ZW10: variants seen among roughly 807,000 people sequenced by gnomAD.
ZW10 encodes zw10 kinetochore protein.
In ZW10, 53 loss-of-function variants were observed where a neutral mutation model predicts 87.8. The observed-to-expected ratio is 0.60, with a 90% CI of 0.48 to 0.76. ZW10 has a LOEUF of 0.76. ZW10 is among the 30% of genes least tolerant of loss of function. The pLI, the probability that ZW10 is intolerant of heterozygous loss-of-function variation, is 0.00. For missense variants in ZW10, 837 were observed against 923.0 expected (o/e 0.91, Z 1.21); for synonymous variants, 312 against 329.2 (o/e 0.95, Z 0.57).
rs540501275 is a variant in ZW10, at chr11:113,733,870, G to C, written c.2220-56C>G. The stretch of plus-strand genomic sequence containing the variant: ...TATTAGGTCTCTGAAGTATAAGCAA[G>C]ACTTAAAAATTGCCTGTTTGATCCA... On this transcript the variant is annotated intron_variant, in intron 15 of 15. Transcript: ENST00000200135. 26 of 1,518,008 alleles carry C rather than the reference G, an allele frequency of 1.7e-5. No homozygotes were observed. In the East Asian group the frequency reaches 4.9e-4, roughly 29 times the overall value. 94.0% of individuals were successfully genotyped at this position (1,518,008 alleles called of 1,614,324 possible). A position where few individuals can be genotyped will look rare whatever the true frequency, so the allele number is the denominator to read the frequency against.
intron 1 of ZW10, chr11:113,769,655 G>C: frequency 3.3e-6 from 1 of 299,494 alleles, no homozygotes. Context: ...CGGACTCCAG[G>C]CATCATGTAC....
intron 1 of ZW10, among the ~76,000 whole-genome samples, chr11:113,770,242 C>T (rs979121551): frequency 1.3e-5 from 2 of 151,436 alleles, no homozygotes; most frequent in Admixed American, 6.6e-5. Context: ...GCATGCGCCA[C>T]CACGCCCAGC....
chr11:113,756,159 G>A (rs1215053888), intron 7 of ZW10, among the ~76,000 whole-genome samples: 1 of 152,256 alleles, frequency 6.6e-6, no homozygotes, highest in South Asian at 2.1e-4. Flanking sequence ...TACAACTGGT[G>A]TCTTTATAAG....
At chr11:113,740,584 A>G (rs576905699) in intron 11 of ZW10, among the ~76,000 whole-genome samples, 11 of 152,334 alleles carry the variant, frequency 7.2e-5, no homozygotes, top group African/African-American at 2.6e-4. Flanking sequence ...ACTCTGTCTC[A>G]AAATATGAAA....
In ZW10 at chr11:113,739,316, G is replaced by A. The variant is rs753427313; in HGVS notation, c.1650C>T (p.His550=). 1 of 1,613,876 alleles carries A rather than the reference G, an allele frequency of 6.2e-7. No homozygotes were observed. Among genetic ancestry groups the A allele is most frequent in the Non-Finnish European group, 8.5e-7 (1 of 1,179,898 alleles). Residue 550 remains histidine (H), a synonymous_variant, in exon 12 of 16, where the codon CAC becomes CAT. Coordinates refer to ENST00000200135, the MANE Select transcript of ZW10 (RefSeq NM_004724.4). ...ACTGATGCCCGAGGGTCAGCAAGTG[G>A]TGAGCAATGTACATACAGTTGTTGT... The part of the protein sequence containing the change: ...IHHNNCMYIA[H]HLLTLGHQFR...
intron 7 of ZW10, among the ~76,000 whole-genome samples, chr11:113,757,370 C>T (rs753804113): frequency 2.6e-5 from 4 of 152,148 alleles, no homozygotes; most frequent in South Asian, 4.1e-4. Flanking sequence ...CAATTTGTGA[C>T]GGTACTGGGA....
Position 113,733,565 on chromosome 11 carries a change from T to C in ZW10, c.*129A>G. On this transcript the variant is annotated 3_prime_UTR_variant, in exon 16 of 16. Transcript: ENST00000200135. Reference sequence around the variant, plus strand: ...GGCCAGGAGGTAAGACGTTCTTCTGTAAAGTCAAACTTCCAAGATGTACTG... The same window carrying C: ...GGCCAGGAGGTAAGACGTTCTTCTGCAAAGTCAAACTTCCAAGATGTACTG... 1 of 1,283,534 alleles carries C rather than the reference T, an allele frequency of 7.8e-7. No individual in the cohort carries two copies. Among genetic ancestry groups the C allele is most frequent in the Non-Finnish European group, 1.1e-6 (1 of 908,418 alleles). The allele number at this position is 1,283,534 out of a possible 1,614,324, so 79.5% of individuals were successfully genotyped here.
At chr11:113,747,443 C>T in intron 9 of ZW10, 88 bp downstream of exon 9, 2 of 1,215,938 alleles carry the variant, frequency 1.6e-6, no homozygotes, top group Non-Finnish European at 2.3e-6. Flanking sequence ...CAACCGTCAT[C>T]CTCTCTTCCA....
chr11:113,769,077 A>C, intron 1 of ZW10, 110 bp from the exon 2 acceptor site: 1 of 1,129,378 alleles, frequency 8.9e-7, no homozygotes, highest in Non-Finnish European at 1.3e-6. Context: ...CCTTCTTGCC[A>C]ATTGCCTATA....
intron 7 of ZW10, among the ~76,000 whole-genome samples, chr11:113,753,728 G>A (rs905294620): frequency 1.3e-5 from 2 of 152,198 alleles, no homozygotes; most frequent in African/African-American, 4.8e-5. Context: ...AGTTTGAGTG[G>A]TCTGTGTAGA....
chr11:113,733,730 T>C lies in ZW10; in HGVS notation c.2304A>G (p.Thr768=). The C allele has an allele frequency of 6.2e-7, 1 of 1,614,166 alleles. No homozygotes were observed. Among genetic ancestry groups the C allele is most frequent in the Non-Finnish European group, 8.5e-7 (1 of 1,180,024 alleles). The change falls in exon 16 of 16, where the codon ACA becomes ACG. Residue 768 remains threonine, a synonymous_variant. Coordinates refer to ENST00000200135, the MANE Select transcript of ZW10 (RefSeq NM_004724.4). ...KALIRALFQN[T]ERRAAALAKI... ...TAGCAAGGGCAGCTGCTCTTCTTTC[T>C]GTGTTCTGAAACAAGGCACGAATTA...
At chr11:113,758,215 A>T (rs1190665894) in intron 6 of ZW10, among the ~76,000 whole-genome samples, 4 of 152,030 alleles carry the variant, frequency 2.6e-5, no homozygotes, top group African/African-American at 9.7e-5. Context: ...TCAAAAAAAA[A>T]ATATGAATCT....
chr11:113,760,131 C>T, intron 5 of ZW10, 78 bp downstream of exon 5: 1 of 1,499,726 alleles, frequency 6.7e-7, no homozygotes. Flanking sequence ...TCTACTAATA[C>T]AAAAATGTAG....
Position 113,739,270 on chromosome 11 carries a change from T to C in ZW10, c.1696A>G (p.Ile566Val), listed in dbSNP as rs745791786. The change falls in exon 12 of 16, where the codon ATT (isoleucine) becomes GTT (valine). Residue 566 changes from isoleucine to valine, a missense_variant. Physicochemically the swap from Ile to Val is conservative, Grantham distance 29. Transcript: ENST00000200135. ...GHQFRLRLAP[I>V]LCDGTATFVD... Reference sequence around the variant, plus strand: ...AAAGTAGCAGTGCCATCACAAAGAATGGGGGCAAGACGCAATCTGAACTGA... The same window carrying C: ...AAAGTAGCAGTGCCATCACAAAGAACGGGGGCAAGACGCAATCTGAACTGA... The C allele has an allele frequency of 1.2e-6, 2 of 1,613,860 alleles. No individual in the cohort carries two copies. The highest frequency in any genetic ancestry group is 8.5e-7 in the Non-Finnish European group (1 of 1,179,916).
In ZW10 at chr11:113,739,326, T is replaced by G. The variant is rs758247426; in HGVS notation, c.1640A>C (p.Tyr547Ser). 6.2e-7 allele frequency: 1 copy of G among 1,612,206 alleles called. No individual in the cohort carries two copies. Among genetic ancestry groups the G allele is most frequent in the South Asian group, 1.1e-5 (1 of 90,596 alleles). ...LAAIHHNNCM[Y>S]IAHHLLTLGH... The stretch of plus-strand genomic sequence containing the variant: ...GAGGGTCAGCAAGTGGTGAGCAATG[T>G]ACATACAGTTGTTGTGATGAATAGC... The change falls in exon 12 of 16, where the codon TAC becomes TCC. Residue 547 changes from tyrosine (Y) to serine (S), a missense_variant. Transcript: ENST00000200135.
intron 2 of ZW10, among the ~76,000 whole-genome samples, chr11:113,763,073 G>A (rs113838553): frequency 0.019 from 2,891 of 152,008 alleles, 95 homozygotes; most frequent in African/African-American, 0.066. Context: ...GTGTCCATGC[G>A]TTCTCATTGT....
chr11:113,752,866 G>C (rs1953748082), intron 7 of ZW10, among the ~76,000 whole-genome samples: 1 of 152,142 alleles, frequency 6.6e-6, no homozygotes. Flanking sequence ...TCAAAAGCTA[G>C]AAAAGATAAA....
At position 113,748,335 on chromosome 11, in the gene ZW10, GTC is replaced by G. The variant is rs1565282903; in HGVS notation, c.1009_1010del (p.Asp337LeufsTer3). 1 of 1,613,722 alleles carries G rather than the reference GTC, an allele frequency of 6.2e-7. No individual in the cohort carries two copies. The highest frequency in any genetic ancestry group is 8.5e-7 in the Non-Finnish European group (1 of 1,179,868). ...AGTTTTTGATGAGGCACTCAGACAA[GTC>G]CTCCCAGATCATGTCTCCAAGCATC... ...AEMLGDMIWEDLSECLIKNCL... is the reference protein window; with the variant it reads ...AEMLGDMIWEXLSECLIKNCL... On this transcript the variant is annotated frameshift_variant, in exon 8 of 16. Transcript: ENST00000200135. LOFTEE classifies it high-confidence loss of function.
chr11:113,736,891 G>A, intron 14 of ZW10, 69 bp from the exon 15 acceptor site: 1 of 1,442,314 alleles, frequency 6.9e-7, no homozygotes, highest in South Asian at 1.2e-5. Context: ...AAGGGCAGCA[G>A]ATCTTTGATG....
Sources: gnomAD v4.1 joint callset for allele counts (sites outside exome capture counted in the v4.1 genomes callset) on GRCh38, gnomAD v4.1.1 for gene constraint, MANE v1.5 for transcripts, NCBI Gene and HGNC (gene_info 2026-07-23, HGNC 2026-07-21) for gene names.